Variants in VRK2 observed in about 807,000 individuals in gnomAD.
The protein encoded by VRK2 is VRK serine/threonine kinase 2.
VRK2 carries 60 observed loss-of-function variants against 57.6 expected under a neutral mutation model. The ratio of observed to expected loss-of-function variants is 1.04; its 90% CI spans 0.85 to 1.29. The LOEUF (loss-of-function observed/expected upper bound fraction) is 1.29, where lower values mean the gene tolerates loss of function less well. Among genes scored for constraint, VRK2 ranks in the 50% most tolerant of loss-of-function variants. The pLI, the probability that VRK2 is intolerant of heterozygous loss-of-function variation, is 0.00. For missense variants in VRK2, 705 were observed against 588.1 expected, an observed-to-expected ratio of 1.20 and a Z score of -2.06; for synonymous variants, 231 against 199.2, an observed-to-expected ratio of 1.16 and a Z score of -1.35.
chr2:57,912,464 A>G (rs1670015893), intron 1 of VRK2, among the ~76,000 whole-genome samples: 1 of 152,114 alleles, frequency 6.6e-6, no homozygotes, highest in South Asian at 2.1e-4. Context: ...TTGAAGATAG[A>G]GTGAAGTAAT....
upstream of VRK2, among the ~76,000 whole-genome samples, chr2:58,042,297 ATTGT>A (rs1172648919): frequency 6.6e-6 from 1 of 152,142 alleles, no homozygotes; most frequent in Non-Finnish European, 1.5e-5. Context: ...ACTTGGTCTG[ATTGT>A]TTATCTAATG....
intron 2 of VRK2, among the ~76,000 whole-genome samples, chr2:58,050,485 T>A (rs1675549282): frequency 6.6e-6 from 1 of 152,236 alleles, no homozygotes; most frequent in Non-Finnish European, 1.5e-5. Context: ...AGATATAGTG[T>A]TGAATAAATT....
At chr2:58,089,869 A>G in intron 7 of VRK2, 146 bp downstream of exon 7, 1 of 602,280 alleles carries the variant, frequency 1.7e-6, no homozygotes. Flanking sequence ...TATCTAATTT[A>G]ATCTTTGTAC....
intron 7 of VRK2, among the ~76,000 whole-genome samples, chr2:58,118,726 C>A (rs1676925744): frequency 6.6e-6 from 1 of 152,182 alleles, no homozygotes; most frequent in Non-Finnish European, 1.5e-5. Context: ...GAAGAGACTA[C>A]CAAACAGGCT....
intron 7 of VRK2, among the ~76,000 whole-genome samples, chr2:58,097,342 T>C (rs1485487223): frequency 6.6e-6 from 1 of 152,120 alleles, no homozygotes; most frequent in Non-Finnish European, 1.5e-5. Context: ...TGTTATTTGG[T>C]ATACATTTGT....
upstream of VRK2, chr2:58,046,802 C>T (rs1403652557): frequency 2.0e-6 from 2 of 985,628 alleles, no homozygotes; most frequent in East Asian, 1.1e-4. Context: ...CCCGGGGGCT[C>T]CGCCTCGTCG....
intron 1 of VRK2, among the ~76,000 whole-genome samples, chr2:58,008,645 C>T (rs72808501): frequency 0.12 from 17,725 of 151,362 alleles, 1,148 homozygotes; most frequent in African/African-American, 0.16. Context: ...CCCCAAAAAG[C>T]AGAAGGAATA....
At chr2:58,001,892 A>G (rs1235905119) in intron 1 of VRK2, among the ~76,000 whole-genome samples, 1 of 152,130 alleles carries the variant, frequency 6.6e-6, no homozygotes, top group Non-Finnish European at 1.5e-5. Context: ...CTTCCATTCC[A>G]CAACCTCTTT....
At chr2:58,047,289 G>C (rs1186258481) in intron 1 of VRK2, 1 of 423,948 alleles carries the variant, frequency 2.4e-6, no homozygotes, top group Non-Finnish European at 3.2e-6. Context: ...GCCGCGGCGG[G>C]GTTGGAGGTC....
chr2:58,088,677 A>G (rs766265242), intron 6 of VRK2, among the ~76,000 whole-genome samples: 3 of 152,176 alleles, frequency 2.0e-5, no homozygotes, highest in Non-Finnish European at 2.9e-5. Context: ...CTCCAGTCTG[A>G]TCTTCTTTTT....
At chr2:58,028,903 A>AAT (rs58729342) in intron 2 of VRK2, among the ~76,000 whole-genome samples, 4,011 of 53,564 alleles carry the variant, frequency 0.075, 141 homozygotes, top group South Asian at 0.095. Flanking sequence ...TAAATAAATA[A>AAT]ATATATATAT....
chr2:57,943,295 G>T (rs984432947), intron 1 of VRK2, among the ~76,000 whole-genome samples: 1 of 152,136 alleles, frequency 6.6e-6, no homozygotes, highest in African/African-American at 2.4e-5. Context: ...GTATCCAATT[G>T]AACTTCATTA....
At chr2:58,129,631 ATTAAT>A (rs1388887781) in intron 8 of VRK2, among the ~76,000 whole-genome samples, 3 of 152,202 alleles carry the variant, frequency 2.0e-5, no homozygotes, top group Admixed American at 6.5e-5. Context: ...TTTGTTTTTA[ATTAAT>A]TTAACAGGTA....
intron 1 of VRK2, among the ~76,000 whole-genome samples, chr2:57,976,067 G>A (rs560881334): frequency 6.6e-6 from 1 of 152,158 alleles, no homozygotes; most frequent in Admixed American, 6.6e-5. Flanking sequence ...GCCTCCAGCT[G>A]CATTCATATT....
At chr2:58,095,396 T>C (rs1672992923) in intron 7 of VRK2, among the ~76,000 whole-genome samples, 1 of 152,156 alleles carries the variant, frequency 6.6e-6, no homozygotes, top group Non-Finnish European at 1.5e-5. Context: ...TGTATAGATG[T>C]TCATATATGA....
In VRK2 at chr2:57,957,123, T is replaced by C. The variant is rs372918352; in HGVS notation, c.-439+49284T>C. ...ATGGTCTTTAATTCATATCTGCAGG[T>C]TCCAGGCTCACTTTTGATGATAGTC... On this transcript the variant is annotated intron_variant, in intron 1 of 15. Transcript: ENST00000417641. 3.5e-4 allele frequency among the ~76,000 whole-genome samples: 53 copies of C among 152,268 alleles called. 1 individual carries two copies. In the South Asian group the frequency reaches 0.01, roughly 30 times the overall value.
At chr2:58,109,493 C>CA (rs986441585) in intron 7 of VRK2, among the ~76,000 whole-genome samples, 1 of 151,968 alleles carries the variant, frequency 6.6e-6, no homozygotes, top group African/African-American at 2.4e-5. Flanking sequence ...TTAATTGACT[C>CA]ACAGTTCTGC....
rs372219936 is a variant in VRK2, at chr2:58,000,851, T to C, written c.-438-24814T>C. 3.5e-4 allele frequency among the ~76,000 whole-genome samples: 54 copies of C among 152,346 alleles called. 1 individual carries two copies. In the South Asian group the frequency reaches 0.01, roughly 29 times the overall value. ...AACAGAATTCATTAGATAGTAATAATACAAATAGAAATTCAGAAGCTGGAC... is the reference window on the plus strand; with the variant it reads ...AACAGAATTCATTAGATAGTAATAACACAAATAGAAATTCAGAAGCTGGAC... On this transcript the variant is annotated intron_variant, in intron 1 of 15. Coordinates refer to the VRK2 transcript ENST00000417641.
intron 1 of VRK2, among the ~76,000 whole-genome samples, chr2:57,977,516 AGGTTGG>A (rs1672288206): frequency 6.6e-6 from 1 of 151,288 alleles, no homozygotes; most frequent in African/African-American, 2.5e-5. Flanking sequence ...TTTGGCTTGC[AGGTTGG>A]ACATTGTTGG....
Sources: gnomAD v4.1 joint callset for allele counts (sites outside exome capture counted in the v4.1 genomes callset) on GRCh38, gnomAD v4.1.1 for gene constraint, MANE v1.5 for transcripts, NCBI Gene and HGNC (gene_info 2026-07-23, HGNC 2026-07-21) for gene names.